GOLPH3L: variants seen among roughly 807,000 people sequenced by gnomAD.
GOLPH3L encodes the protein golgi phosphoprotein 3 like.
GOLPH3L carries 22 observed loss-of-function variants against 30.3 expected under a neutral mutation model. The ratio of observed to expected loss-of-function variants is 0.73; its 90% CI spans 0.52 to 1.04. The LOEUF is 1.04. Ranked by LOEUF, GOLPH3L falls within the 50% of genes least tolerant of loss-of-function variation. GOLPH3L has a pLI of 0.00. For missense variants in GOLPH3L, 303 were observed against 345.8 expected (o/e 0.88, Z 0.98); for synonymous variants, 120 against 128.2 (o/e 0.94, Z 0.43).
intron 2 of GOLPH3L, among the ~76,000 whole-genome samples, chr1:150,689,824 G>C (rs1413068941): frequency 6.6e-6 from 1 of 151,762 alleles, no homozygotes; most frequent in Non-Finnish European, 1.5e-5. Context: ...CTTTAGTAGA[G>C]ATGGGGTTTC....
intron 2 of GOLPH3L, among the ~76,000 whole-genome samples, chr1:150,679,228 G>C (rs587694764): frequency 6.6e-6 from 1 of 152,174 alleles, no homozygotes; most frequent in South Asian, 2.1e-4. Flanking sequence ...ACATAGAATG[G>C]GCAGTGGTAT....
intron 2 of GOLPH3L, among the ~76,000 whole-genome samples, chr1:150,676,493 A>C (rs887580152): frequency 2.6e-5 from 4 of 152,128 alleles, no homozygotes; most frequent in Admixed American, 6.6e-5. Flanking sequence ...TGTAATACCA[A>C]TATCATACCT....
chr1:150,659,549 T>C (rs981422747), intron 4 of GOLPH3L, among the ~76,000 whole-genome samples: 1 of 152,168 alleles, frequency 6.6e-6, no homozygotes, highest in Non-Finnish European at 1.5e-5. Context: ...AACCTTATGA[T>C]TGGCTTGCTG....
chr1:150,663,861 C>T lies in GOLPH3L; in HGVS notation c.184-98G>A, dbSNP rs1269754430. ...CAGGCCGCTTTGTTGTGATTCGTTT[C>T]ACATCATACTACATGAACTCAAAGT... On this transcript the variant is annotated intron_variant, in intron 2 of 4. Transcript: ENST00000271732. The T allele has an allele frequency of 3.2e-5, 30 of 927,988 alleles. No individual in the cohort carries two copies. The East Asian group carries it at 7.2e-4, about 22-fold the overall frequency. The allele number at this position is 927,988 out of a possible 1,614,324, so 57.5% of individuals were successfully genotyped here.
intron 2 of GOLPH3L, among the ~76,000 whole-genome samples, chr1:150,693,843 A>ATCTT (rs1571059732): frequency 1.2e-5 from 1 of 85,564 alleles, no homozygotes; most frequent in Non-Finnish European, 2.1e-5. Flanking sequence ...ATATATATAT[A>ATCTT]TATATTTTTT....
At chr1:150,689,941 A>T (rs1420330128) in intron 2 of GOLPH3L, among the ~76,000 whole-genome samples, 1 of 151,718 alleles carries the variant, frequency 6.6e-6, no homozygotes, top group Non-Finnish European at 1.5e-5. Flanking sequence ...GTCTGGCCAG[A>T]TGCTTAATAT....
chr1:150,671,797 A>T (rs1650651000), intron 2 of GOLPH3L, among the ~76,000 whole-genome samples: 2 of 120,764 alleles, frequency 1.7e-5, no homozygotes, highest in Admixed American at 1.0e-4. Flanking sequence ...CGAGAGCAAA[A>T]CTCCGTCTCA....
At chr1:150,652,956 A>G (rs1475698375) in intron 4 of GOLPH3L, among the ~76,000 whole-genome samples, 2 of 152,028 alleles carry the variant, frequency 1.3e-5, no homozygotes, top group East Asian at 1.9e-4. Flanking sequence ...AATTACAACA[A>G]TGAATTGTTG....
chr1:150,671,770 C>T (rs1427196797), intron 2 of GOLPH3L, among the ~76,000 whole-genome samples: 1 of 126,928 alleles, frequency 7.9e-6, no homozygotes, highest in Admixed American at 9.9e-5. Context: ...CGCACCACTG[C>T]ACTCCAACCT....
intron 2 of GOLPH3L, among the ~76,000 whole-genome samples, chr1:150,693,840 TA>T (rs1651272710): frequency 3.8e-5 from 3 of 79,182 alleles, no homozygotes; most frequent in African/African-American, 5.0e-5. Context: ...TATATATATA[TA>T]TATATATTTT....
chr1:150,671,737 C>T (rs1650649336), intron 2 of GOLPH3L, among the ~76,000 whole-genome samples: 1 of 130,656 alleles, frequency 7.7e-6, no homozygotes, highest in African/African-American at 2.8e-5. Flanking sequence ...ACCTGGGAGG[C>T]GGAGGTTGCA....
At chr1:150,680,282 C>G (rs770982612) in intron 2 of GOLPH3L, among the ~76,000 whole-genome samples, 5 of 152,152 alleles carry the variant, frequency 3.3e-5, no homozygotes, top group African/African-American at 4.8e-5. Flanking sequence ...AACTGTTATC[C>G]TTCCTCTACA....
chr1:150,677,628 CTTT>C (rs766263859), intron 2 of GOLPH3L, among the ~76,000 whole-genome samples: 3 of 135,552 alleles, frequency 2.2e-5, no homozygotes, highest in Admixed American at 7.5e-5. Context: ...TCAAACATTT[CTTT>C]TTTTTTTTTT....
intron 2 of GOLPH3L, among the ~76,000 whole-genome samples, chr1:150,671,390 T>A (rs1020035651): frequency 6.6e-6 from 1 of 152,218 alleles, no homozygotes; most frequent in Admixed American, 6.5e-5. Flanking sequence ...GTCAACACTT[T>A]ATGCTGAATT....
chr1:150,660,760 G>A (rs1254503675), intron 4 of GOLPH3L, among the ~76,000 whole-genome samples: 1 of 152,172 alleles, frequency 6.6e-6, no homozygotes, highest in Non-Finnish European at 1.5e-5. Context: ...AAGTAGAATA[G>A]AGGTTGCCAG....
At chr1:150,673,718 C>G (rs912480170) in intron 2 of GOLPH3L, among the ~76,000 whole-genome samples, 1 of 151,614 alleles carries the variant, frequency 6.6e-6, no homozygotes. Context: ...TGCCTGAGCT[C>G]GGGAGTTCAG....
In GOLPH3L at chr1:150,653,545, C is replaced by G. The variant is rs587609721; in HGVS notation, c.431-4797G>C. The stretch of plus-strand genomic sequence containing the variant: ...GTGTGATCTTGGCTCACTGCAGCCA[C>G]CACCTCCCCAGCCCAACTGATCCTC... On this transcript the variant is annotated intron_variant, in intron 4 of 4. Transcript: ENST00000271732. Among the ~76,000 whole-genome samples, 119 of 150,702 alleles carry G rather than the reference C, an allele frequency of 7.9e-4. No individual in the cohort carries two copies. In the South Asian group the frequency reaches 0.024, roughly 31 times the overall value.
intron 4 of GOLPH3L, among the ~76,000 whole-genome samples, chr1:150,653,378 C>T (rs1375572550): frequency 6.7e-6 from 1 of 150,194 alleles, no homozygotes; most frequent in Non-Finnish European, 1.5e-5. Context: ...TCACTGCAAC[C>T]GCTGCCTGCC....
At chr1:150,658,157 T>G (rs587651971) in intron 4 of GOLPH3L, among the ~76,000 whole-genome samples, 1 of 152,320 alleles carries the variant, frequency 6.6e-6, no homozygotes, top group East Asian at 1.9e-4. Context: ...GTTGCAGCCA[T>G]GTCGAGACTG....
Sources: allele counts gnomAD v4.1 joint callset (sites outside exome capture counted in the v4.1 genomes callset), GRCh38; gene constraint gnomAD v4.1.1; transcripts MANE v1.5; gene names NCBI Gene and HGNC (gene_info 2026-07-23, HGNC 2026-07-21).